PCDHA13: variants seen among roughly 807,000 people sequenced by gnomAD.
PCDHA13 encodes the protein protocadherin alpha 13.
A neutral mutation model predicts 64.8 loss-of-function variants in PCDHA13; 54 were observed. The observed-to-expected ratio is 0.83, with a 90% CI of 0.67 to 1.04. The LOEUF is 1.04. Among genes scored for constraint, PCDHA13 ranks in the 50% least tolerant of loss-of-function variants. The pLI, the probability that PCDHA13 is intolerant of heterozygous loss-of-function variation, is 0.00. For synonymous variants in PCDHA13, 587 were observed against 564.4 expected, an observed-to-expected ratio of 1.04 and a Z score of -0.57; for missense variants, 1,248 against 1,254.3, an observed-to-expected ratio of 0.99 and a Z score of 0.08.
chr5:140,974,116 G>T (rs2096616118), intron 1 of PCDHA13, among the ~76,000 whole-genome samples: 1 of 152,192 alleles, frequency 6.6e-6, no homozygotes. Context: ...TTCTTTTGCA[G>T]TGTTTTAAAT....
In PCDHA13 at chr5:141,009,724, T is replaced by A. The variant is rs1554262325; in HGVS notation, c.2640T>A (p.Gly880=). The change falls in exon 4 of 4, where the codon GGT becomes GGA. Residue 880 remains glycine (G), a synonymous_variant. Transcript: ENST00000289272. ...KYGPGNPKQS[G]PGELPDKFII... is the part of the protein sequence containing the mutation. ...GACCAGGCAACCCCAAACAATCCGG[T>A]CCCGGTGAGTTGCCCGACAAATTCA... 6.2e-7 allele frequency: 1 copy of A among 1,614,116 alleles called. No individual in the cohort carries two copies. The highest frequency in any genetic ancestry group is 2.2e-5 in the East Asian group (1 of 44,868).
At chr5:140,969,342 G>T (rs1216517284) in intron 1 of PCDHA13, 2 of 1,613,512 alleles carry the variant, frequency 1.2e-6, no homozygotes, top group Non-Finnish European at 1.7e-6. Flanking sequence ...GTGAGACAGT[G>T]GTCAGGGGGT....
rs745800805 is a variant in PCDHA13, at chr5:140,935,890, T to C, written c.2395-43059T>C. 2.5e-4 allele frequency among the ~76,000 whole-genome samples: 34 copies of C among 135,750 alleles called. 1 individual carries two copies. Among genetic ancestry groups the C allele is most frequent in the Non-Finnish European group, 4.4e-4 (27 of 61,954 alleles). 89.1% of individuals were successfully genotyped at this position (135,750 alleles called of 152,430 possible). A position where few individuals can be genotyped will look rare whatever the true frequency, so the allele number is the denominator to read the frequency against. On this transcript the variant is annotated intron_variant, in intron 1 of 3. Coordinates refer to ENST00000289272, the MANE Select transcript of PCDHA13 (RefSeq NM_018904.3). ...ATTAATGAGCTCCAATTTATCAATA[T>C]TATCTTTTTTTTTTTTTTTTGAGAC...
At chr5:140,969,244 G>A (rs1345944804) in intron 1 of PCDHA13, 2 of 1,614,088 alleles carry the variant, frequency 1.2e-6, no homozygotes, top group Non-Finnish European at 1.7e-6. Flanking sequence ...AAGCAGCAGT[G>A]ACTGACAGCA....
At chr5:140,911,677 C>T (rs904570548) in intron 1 of PCDHA13, among the ~76,000 whole-genome samples, 4 of 152,118 alleles carry the variant, frequency 2.6e-5, no homozygotes, top group African/African-American at 7.2e-5. Flanking sequence ...TCTCACGAAC[C>T]GTGCATCAGG....
chr5:140,888,446 A>G (rs1411131603), intron 1 of PCDHA13, among the ~76,000 whole-genome samples: 3 of 152,190 alleles, frequency 2.0e-5, no homozygotes, highest in Non-Finnish European at 2.9e-5. Context: ...GCCCAACAAT[A>G]AAGAATTAGC....
At chr5:141,001,705 G>A (rs2098033380) in intron 3 of PCDHA13, among the ~76,000 whole-genome samples, 1 of 152,194 alleles carries the variant, frequency 6.6e-6, no homozygotes, top group African/African-American at 2.4e-5. Context: ...GAAATAGGGG[G>A]CGGGGAAGGA....
intron 3 of PCDHA13, among the ~76,000 whole-genome samples, chr5:140,997,288 T>C (rs1554255825): frequency 1.3e-5 from 2 of 152,222 alleles, no homozygotes; most frequent in African/African-American, 4.8e-5. Context: ...CACTTAACAA[T>C]GGGGATACAC....
At position 140,950,434 on chromosome 5, in the gene PCDHA13, A is replaced by G. The variant is rs554490421; in HGVS notation, c.2395-28515A>G. Among the ~76,000 whole-genome samples, 4 of 152,176 alleles carry G rather than the reference A, an allele frequency of 2.6e-5. No homozygotes were observed. The South Asian group carries it at 8.3e-4, about 32-fold the overall frequency. On this transcript the variant is annotated intron_variant, in intron 1 of 3. Transcript: ENST00000289272. ...AGATTTTATTTTCTTCCACTTAAAA[A>G]AAATGTTATTCTACTGTCTTCTAAT...
chr5:140,957,883 A>C (rs1413437105), intron 1 of PCDHA13, among the ~76,000 whole-genome samples: 1 of 152,098 alleles, frequency 6.6e-6, no homozygotes. Flanking sequence ...TGAAAAGCTG[A>C]AGTTGGCATC....
intron 1 of PCDHA13, 54 bp downstream of exon 1, chr5:140,884,716 GTTGT>G (rs782735758): frequency 2.8e-5 from 41 of 1,468,898 alleles, no homozygotes; most frequent in Middle Eastern, 3.6e-4. Flanking sequence ...CTTCCTTGCA[GTTGT>G]TTGTTTAAGA....
chr5:140,995,245 A>G (rs2097671494), intron 3 of PCDHA13, among the ~76,000 whole-genome samples: 1 of 152,194 alleles, frequency 6.6e-6, no homozygotes, highest in African/African-American at 2.4e-5. Flanking sequence ...ATTAAGTAAA[A>G]TAAGGGTACT....
At chr5:140,887,629 T>C (rs2061519169) in intron 1 of PCDHA13, among the ~76,000 whole-genome samples, 1 of 152,128 alleles carries the variant, frequency 6.6e-6, no homozygotes, top group Non-Finnish European at 1.5e-5. Flanking sequence ...TTTATGTTAG[T>C]CTGTTGGGGT....
At chr5:140,897,032 T>C (rs2065847458) in intron 1 of PCDHA13, among the ~76,000 whole-genome samples, 2 of 152,146 alleles carry the variant, frequency 1.3e-5, no homozygotes, top group Non-Finnish European at 2.9e-5. Flanking sequence ...ATTTAGACCA[T>C]AGTCACCCTA....
At chr5:140,951,448 G>A (rs892144078) in intron 1 of PCDHA13, among the ~76,000 whole-genome samples, 74 of 152,022 alleles carry the variant, frequency 4.9e-4, no homozygotes, top group African/African-American at 1.7e-3. Context: ...GCATGATGCC[G>A]GCCATCTGCT....
intron 1 of PCDHA13, 96 bp downstream of exon 1, chr5:140,884,758 C>A (rs1582804628): frequency 2.1e-6 from 3 of 1,424,736 alleles, no homozygotes; most frequent in East Asian, 2.5e-5. Context: ...TCAAATTATT[C>A]TTTACTTTAA....
At chr5:140,888,593 A>C (rs1165427237) in intron 1 of PCDHA13, among the ~76,000 whole-genome samples, 1 of 152,256 alleles carries the variant, frequency 6.6e-6, no homozygotes, top group Admixed American at 6.5e-5. Context: ...GTACACATTC[A>C]GAGCAGCTTT....
intron 3 of PCDHA13, among the ~76,000 whole-genome samples, chr5:140,991,403 C>A (rs1230118485): frequency 6.6e-6 from 1 of 152,116 alleles, no homozygotes; most frequent in African/African-American, 2.4e-5. Context: ...TATTTATTTC[C>A]CATTATGCTA....
chr5:140,918,748 C>T (rs1303112000), intron 1 of PCDHA13, among the ~76,000 whole-genome samples: 1 of 152,110 alleles, frequency 6.6e-6, no homozygotes, highest in Non-Finnish European at 1.5e-5. Flanking sequence ...ATAAAAGAGG[C>T]CCAGAGAGGT....
Sources: allele counts gnomAD v4.1 joint callset (sites outside exome capture counted in the v4.1 genomes callset), GRCh38; gene constraint gnomAD v4.1.1; transcripts MANE v1.5; gene names NCBI Gene and HGNC (gene_info 2026-07-23, HGNC 2026-07-21).